JCAD: variants seen among roughly 807,000 people sequenced by gnomAD.
JCAD encodes the protein junctional cadherin 5 associated, also known as junctional cadherin 5-associated protein.
JCAD carries 40 observed loss-of-function variants against 98.0 expected under a neutral mutation model. The ratio of observed to expected loss-of-function variants is 0.41; its 90% CI spans 0.32 to 0.53. JCAD has a LOEUF of 0.53. Among genes scored for constraint, JCAD ranks in the 20% least tolerant of loss-of-function variants. The pLI is 0.31. For synonymous variants in JCAD, 691 were observed against 682.3 expected (o/e 1.01, Z -0.20); for missense variants, 1,705 against 1,738.1 (o/e 0.98, Z 0.34).
intron 1 of JCAD, among the ~76,000 whole-genome samples, chr10:30,053,891 C>T (rs1837517887): frequency 6.6e-6 from 1 of 152,044 alleles, no homozygotes; most frequent in Admixed American, 6.6e-5. Context: ...AGTTAAACCC[C>T]GTTTCTACTA....
upstream of JCAD, among the ~76,000 whole-genome samples, chr10:30,061,734 T>A (rs916908329): frequency 3.3e-5 from 5 of 151,174 alleles, no homozygotes; most frequent in Non-Finnish European, 4.4e-5. Flanking sequence ...ATGCAGACTT[T>A]TTTTTTTTTT....
rs750798343 is a variant in JCAD at position 30,029,433 on chromosome 10, C to T, written c.715G>A (p.Glu239Lys). 12 of 1,613,890 alleles carry T rather than the reference C, an allele frequency of 7.4e-6. No individual in the cohort carries two copies. The highest frequency in any genetic ancestry group is 1.1e-5 in the South Asian group (1 of 91,058). ...SRSLPRVLSP[E>K]SLSCTEIPIP... ...GGAATTTCCGTGCAACTCAGGCTCT[C>T]GGGGGAAAGAACTCTAGGCAGTGAG... Residue 239 changes from glutamate to lysine, a missense_variant, in exon 3 of 4, where the codon GAG becomes AAG. Transcript: ENST00000375377.
At chr10:30,101,811 G>A (rs1349776659) in intron 1 of JCAD, among the ~76,000 whole-genome samples, 1 of 152,204 alleles carries the variant, frequency 6.6e-6, no homozygotes, top group Non-Finnish European at 1.5e-5. Context: ...TCACTTTGCT[G>A]TGTTTCAGTG....
chr10:30,063,501 C>T (rs893741128), upstream of JCAD, among the ~76,000 whole-genome samples: 7 of 152,220 alleles, frequency 4.6e-5, no homozygotes, highest in Admixed American at 4.6e-4. Flanking sequence ...TAGGGCCCTT[C>T]TCTGTAGACT....
intron 3 of JCAD, among the ~76,000 whole-genome samples, chr10:30,018,703 C>G (rs1169216097): frequency 6.6e-6 from 1 of 152,200 alleles, no homozygotes; most frequent in African/African-American, 2.4e-5. Flanking sequence ...TCACAGATGT[C>G]TGTCTGGAAT....
intron 1 of JCAD, among the ~76,000 whole-genome samples, chr10:30,099,436 A>C (rs1838432623): frequency 6.6e-6 from 1 of 152,080 alleles, no homozygotes; most frequent in Non-Finnish European, 1.5e-5. Context: ...TTTCTAATAG[A>C]CTTTATTTAG....
chr10:30,018,674 A>T (rs1313900873), intron 3 of JCAD, among the ~76,000 whole-genome samples: 1 of 152,198 alleles, frequency 6.6e-6, no homozygotes, highest in Non-Finnish European at 1.5e-5. Flanking sequence ...GGGTGCTGCC[A>T]AGTCCCACAA....
In JCAD at chr10:30,108,040, C is replaced by T. The variant is rs529405144; in HGVS notation, n.128+7327G>A. Among the ~76,000 whole-genome samples the T allele has an allele frequency of 1.4e-4, 22 of 152,086 alleles. No individual in the cohort carries two copies. In the South Asian group the frequency reaches 2.9e-3, roughly 20 times the overall value. On this transcript the variant is annotated intron_variant and non_coding_transcript_variant, in intron 1 of 2. Coordinates refer to the JCAD transcript ENST00000465712. ...TCTTAAGAATGATGGTGGCCGGGTG[C>T]GGTGGCTCACTCCTGTAATCCCGGC...
Position 30,029,303 on chromosome 10 carries a change from G to A in JCAD, c.845C>T (p.Ala282Val). ...CCCAAACTTAGGCCGGGGAAATGGG[G>A]CTGAGCAGCCACTCTTCTCAGAATT... is the stretch of plus-strand genomic sequence containing the variant. ...TRNSEKSGCS[A>V]PFPRPKFGRP... The change falls in exon 3 of 4, where the codon GCC (alanine) becomes GTC (valine). Residue 282 changes from alanine to valine, a missense_variant. Ala to Val is a moderately conservative substitution (Grantham distance 64). Coordinates refer to ENST00000375377, the MANE Select transcript of JCAD (RefSeq NM_020848.4). The A allele has an allele frequency of 6.2e-7, 1 of 1,614,190 alleles. No individual in the cohort carries two copies. The highest frequency in any genetic ancestry group is 1.6e-4 in the Middle Eastern group (1 of 6,062).
At chr10:30,032,135 T>G (rs1837015661) in intron 2 of JCAD, among the ~76,000 whole-genome samples, 1 of 152,134 alleles carries the variant, frequency 6.6e-6, no homozygotes, top group Admixed American at 6.5e-5. Context: ...ATTGAGATTG[T>G]CTAGAGGAAG....
upstream of JCAD, among the ~76,000 whole-genome samples, chr10:30,061,731 C>G (rs1175522505): frequency 7.0e-6 from 1 of 142,024 alleles, no homozygotes; most frequent in Non-Finnish European, 1.5e-5. Flanking sequence ...GAAATGCAGA[C>G]TTTTTTTTTT....
At chr10:30,061,060 G>A (rs1349282411), upstream of JCAD, among the ~76,000 whole-genome samples, 1 of 152,188 alleles carries the variant, frequency 6.6e-6, no homozygotes. Context: ...TTAGGGGCTC[G>A]AGAACCAGGT....
chr10:30,044,703 C>G, intron 2 of JCAD: 63 of 276,974 alleles, frequency 2.3e-4, no homozygotes, highest in Non-Finnish European at 3.3e-4. Context: ...TAAATTTAAG[C>G]TGTTAACTAT....
At chr10:30,037,666 T>G (rs889180316) in intron 2 of JCAD, among the ~76,000 whole-genome samples, 4 of 151,810 alleles carry the variant, frequency 2.6e-5, no homozygotes, top group Admixed American at 2.6e-4. Flanking sequence ...ACACAAATAA[T>G]GGGTCTGGAA....
chr10:30,103,583 T>C (rs1274671205), intron 1 of JCAD, among the ~76,000 whole-genome samples: 1 of 150,488 alleles, frequency 6.6e-6, no homozygotes, highest in Non-Finnish European at 1.5e-5. Context: ...TTAAAGTAAA[T>C]GAGGAAATGC....
chr10:30,042,657 G>A (rs1008761795), intron 2 of JCAD, among the ~76,000 whole-genome samples: 2 of 144,808 alleles, frequency 1.4e-5, no homozygotes, highest in African/African-American at 5.8e-5. Context: ...AGATGAATGA[G>A]TCCCCAGGGG....
intron 1 of JCAD, among the ~76,000 whole-genome samples, chr10:30,109,835 G>C (rs2132719334): frequency 6.6e-6 from 1 of 152,124 alleles, no homozygotes; most frequent in South Asian, 2.1e-4. Flanking sequence ...CTGATGTATG[G>C]ACCAGCTGAT....
intron 1 of JCAD, among the ~76,000 whole-genome samples, chr10:30,089,832 C>T (rs1838232878): frequency 6.6e-6 from 1 of 152,172 alleles, no homozygotes; most frequent in African/African-American, 2.4e-5. Flanking sequence ...CACACACACA[C>T]ATACACATCA....
At chr10:30,104,113 G>A (rs929513063) in intron 1 of JCAD, among the ~76,000 whole-genome samples, 18 of 152,202 alleles carry the variant, frequency 1.2e-4, no homozygotes, top group Admixed American at 1.2e-3. Flanking sequence ...ACTTACAGAG[G>A]CCTGGGGGCA....
Sources: gnomAD v4.1 joint callset for allele counts (sites outside exome capture counted in the v4.1 genomes callset) on GRCh38, gnomAD v4.1.1 for gene constraint, MANE v1.5 for transcripts, NCBI Gene and HGNC (gene_info 2026-07-23, HGNC 2026-07-21) for gene names.